FAM185A: variants seen among roughly 807,000 people sequenced by gnomAD.
The protein encoded by FAM185A is protein FAM185A.
FAM185A carries 21 observed loss-of-function variants against 45.7 expected under a neutral mutation model. The ratio of observed to expected loss-of-function variants is 0.46; its 90% CI spans 0.33 to 0.66. The LOEUF (loss-of-function observed/expected upper bound fraction) is 0.66, where lower values mean the gene tolerates loss of function less well. Among genes scored for constraint, FAM185A ranks in the 30% least tolerant of loss-of-function variants. FAM185A has a pLI of 0.03. For missense variants in FAM185A, 305 were observed against 485.4 expected, an observed-to-expected ratio of 0.63 and a Z score of 3.49; for synonymous variants, 117 against 194.0, an observed-to-expected ratio of 0.60 and a Z score of 3.30.
chr7:102,828,167 C>T, the FAM185A span, among the ~76,000 whole-genome samples: 2 of 152,154 alleles, frequency 1.3e-5, no homozygotes, highest in South Asian at 2.1e-4. Flanking sequence ...TATAAATTAC[C>T]TTGGGCAGTA....
chr7:102,813,616 G>A, downstream of FAM185A: 1 of 1,345,918 alleles, frequency 7.4e-7, no homozygotes, highest in Non-Finnish European at 1.0e-6. Flanking sequence ...TTGGAGTTAG[G>A]GAATTCACTG....
At chr7:102,799,852 G>A (rs753345849) in intron 7 of FAM185A, among the ~76,000 whole-genome samples, 1 of 152,104 alleles carries the variant, frequency 6.6e-6, no homozygotes, top group East Asian at 1.9e-4. Flanking sequence ...GTGGCCGGGA[G>A]TGGCAAGACT....
chr7:102,824,650 T>A, the FAM185A span, among the ~76,000 whole-genome samples: 1 of 152,144 alleles, frequency 6.6e-6, no homozygotes, highest in Non-Finnish European at 1.5e-5. Context: ...CACGCCCAAC[T>A]AATTTTTGTA....
At position 102,757,838 on chromosome 7, in the gene FAM185A, T is replaced by A; in HGVS notation, c.562-16T>A. On this transcript the variant is annotated splice_polypyrimidine_tract_variant and intron_variant, in intron 2 of 7. Transcript: ENST00000413034. ...CTCTCTTTTTCACTATATGTATTTT[T>A]AAATTTGTCTTTCAGGGTCAAAAAT... The A allele has an allele frequency of 2.0e-6, 3 of 1,530,986 alleles. No homozygotes were observed. The highest frequency in any genetic ancestry group is 2.6e-6 in the Non-Finnish European group (3 of 1,133,562). 94.8% of individuals were successfully genotyped at this position (1,530,986 alleles called of 1,614,324 possible).
At chr7:102,771,259 C>T (rs1794728536) in intron 4 of FAM185A, among the ~76,000 whole-genome samples, 1 of 151,892 alleles carries the variant, frequency 6.6e-6, no homozygotes, top group South Asian at 2.1e-4. Context: ...GGGTACTATG[C>T]CTAGTACCTG....
intron 2 of FAM185A, among the ~76,000 whole-genome samples, chr7:102,752,561 C>T (rs540733218): frequency 1.3e-5 from 2 of 151,490 alleles, no homozygotes; most frequent in African/African-American, 2.4e-5. Flanking sequence ...TGAGCCACTG[C>T]GTCCGGCTGT....
At chr7:102,809,633 C>T (rs1797321124), downstream of FAM185A, among the ~76,000 whole-genome samples, 1 of 149,074 alleles carries the variant, frequency 6.7e-6, no homozygotes, top group South Asian at 2.1e-4. Flanking sequence ...ACCTGGGAGG[C>T]AGAGGTTGCA....
chr7:102,785,079 A>G (rs1795692375), intron 6 of FAM185A, among the ~76,000 whole-genome samples: 1 of 152,184 alleles, frequency 6.6e-6, no homozygotes, highest in Non-Finnish European at 1.5e-5. Flanking sequence ...CCCATTTACA[A>G]TTGCTTCAAA....
the FAM185A span, among the ~76,000 whole-genome samples, chr7:102,831,429 A>ACC: frequency 1.3e-5 from 2 of 148,662 alleles, no homozygotes; most frequent in African/African-American, 2.5e-5. Flanking sequence ...ACACACACAC[A>ACC]CACCCCACTA....
At chr7:102,840,009 G>C in the FAM185A span, among the ~76,000 whole-genome samples, 2 of 152,080 alleles carry the variant, frequency 1.3e-5, no homozygotes, top group African/African-American at 2.4e-5. Context: ...AGTAAATCTT[G>C]ATGGCTTACT....
At chr7:102,760,854 AG>A (rs1456966503) in intron 3 of FAM185A, among the ~76,000 whole-genome samples, 2 of 152,252 alleles carry the variant, frequency 1.3e-5, no homozygotes, top group Non-Finnish European at 2.9e-5. Context: ...AATTTTTAAA[AG>A]TACAGATAAA....
At chr7:102,834,473 A>ATATATATATATATATATG in the FAM185A span, 1 of 141,544 alleles carries the variant, frequency 7.1e-6, no homozygotes, top group African/African-American at 2.6e-5. Flanking sequence ...ATATATATAT[A>ATATATATATATATATATG]TGTGATGTGG....
At chr7:102,792,014 C>T (rs1434089076) in intron 7 of FAM185A, among the ~76,000 whole-genome samples, 1 of 149,856 alleles carries the variant, frequency 6.7e-6, no homozygotes, top group African/African-American at 2.5e-5. Flanking sequence ...TCATCTTGGC[C>T]TTCCTCATAG....
At chr7:102,830,197 AAAC>A in the FAM185A span, among the ~76,000 whole-genome samples, 4 of 152,202 alleles carry the variant, frequency 2.6e-5, no homozygotes, top group Admixed American at 1.3e-4. Context: ...TCATAACAAA[AAAC>A]AAAAAACCAA....
the FAM185A span, among the ~76,000 whole-genome samples, chr7:102,836,758 C>T: frequency 6.6e-6 from 1 of 152,166 alleles, no homozygotes; most frequent in Admixed American, 6.5e-5. Flanking sequence ...AAATAGGGTA[C>T]GTAGAGGAGA....
chr7:102,838,448 TA>T, the FAM185A span, among the ~76,000 whole-genome samples: 50 of 150,786 alleles, frequency 3.3e-4, no homozygotes, highest in Middle Eastern at 3.4e-3. Flanking sequence ...AACACCATAG[TA>T]AAAAAAAAAT....
chr7:102,778,804 A>C (rs1795231517), intron 6 of FAM185A, among the ~76,000 whole-genome samples: 1 of 152,226 alleles, frequency 6.6e-6, no homozygotes, highest in Non-Finnish European at 1.5e-5. Flanking sequence ...ACTTGGTAAG[A>C]GTAACTTTTT....
At position 102,787,420 on chromosome 7, in the gene FAM185A, T is replaced by C. The variant is rs372370608; in HGVS notation, c.1017T>C (p.His339=). Residue 339 remains histidine (H), a synonymous_variant, in exon 7 of 8, where the codon CAT becomes CAC. Coordinates refer to ENST00000413034, the MANE Select transcript of FAM185A (RefSeq NM_001145268.2). ...AGGTTGATGTGAACTCAGAAGTCCA[T>C]GTTCAGGAAATGGCTGAAGTTCGTA... is the stretch of plus-strand genomic sequence containing the variant. ...GKEVDVNSEV[H]VQEMAEVRKD... 182 of 1,536,206 alleles carry C rather than the reference T, an allele frequency of 1.2e-4. No individual in the cohort carries two copies. The highest frequency in any genetic ancestry group is 1.5e-4 in the Non-Finnish European group (176 of 1,135,786).
chr7:102,783,109 A>C (rs1445311624), intron 6 of FAM185A, among the ~76,000 whole-genome samples: 1 of 151,908 alleles, frequency 6.6e-6, no homozygotes, highest in Non-Finnish European at 1.5e-5. Flanking sequence ...ACTATCGTAA[A>C]TATATATGCA....
Sources: gnomAD v4.1 joint callset for allele counts (sites outside exome capture counted in the v4.1 genomes callset) on GRCh38, gnomAD v4.1.1 for gene constraint, MANE v1.5 for transcripts, NCBI Gene and HGNC (gene_info 2026-07-23, HGNC 2026-07-21) for gene names.